ATRNL1: variants seen among roughly 807,000 people sequenced by gnomAD.
The protein encoded by ATRNL1 is attractin like 1, also known as attractin-like protein 1.
In ATRNL1, 95 loss-of-function variants were observed where a neutral mutation model predicts 182.7. The ratio of observed to expected loss-of-function variants is 0.52; its 90% CI spans 0.44 to 0.62. The LOEUF (loss-of-function observed/expected upper bound fraction) is 0.62. Among genes scored for constraint, ATRNL1 ranks in the 20% least tolerant of loss-of-function variants. The pLI is 0.00. For missense variants in ATRNL1, 1,471 were observed against 1,679.5 expected (o/e 0.88, Z 2.17); for synonymous variants, 576 against 568.3 (o/e 1.01, Z -0.19).
intron 28 of ATRNL1, among the ~76,000 whole-genome samples, chr10:115,863,373 A>T (rs1206559163): frequency 6.6e-6 from 1 of 152,182 alleles, no homozygotes; most frequent in African/African-American, 2.4e-5. Flanking sequence ...AGCAACCAAA[A>T]ATATATATAT....
chr10:115,434,331 G>C (rs1846303414), intron 21 of ATRNL1, among the ~76,000 whole-genome samples: 2 of 152,072 alleles, frequency 1.3e-5, no homozygotes, highest in Non-Finnish European at 1.5e-5. Context: ...ATACTAGACT[G>C]TTCTCAGCTT....
intron 26 of ATRNL1, among the ~76,000 whole-genome samples, chr10:115,672,054 C>G (rs1171954499): frequency 6.6e-6 from 1 of 151,974 alleles, no homozygotes; most frequent in African/African-American, 2.4e-5. Flanking sequence ...GTCACGACCT[C>G]TAAACAAGTC....
At chr10:115,124,770 C>T (rs1302796417) in intron 3 of ATRNL1, among the ~76,000 whole-genome samples, 3 of 152,086 alleles carry the variant, frequency 2.0e-5, no homozygotes, top group Non-Finnish European at 4.4e-5. Context: ...AATAGGAAGA[C>T]ACTCCCATCA....
At chr10:115,838,938 A>C (rs1299996225) in intron 27 of ATRNL1, among the ~76,000 whole-genome samples, 6 of 152,058 alleles carry the variant, frequency 3.9e-5, no homozygotes, top group Non-Finnish European at 8.8e-5. Flanking sequence ...AGTCATATTA[A>C]ACTCTTTCAT....
At chr10:115,371,882 C>A (rs1483992387) in intron 19 of ATRNL1, among the ~76,000 whole-genome samples, 2 of 152,086 alleles carry the variant, frequency 1.3e-5, no homozygotes, top group Non-Finnish European at 2.9e-5. Context: ...CCCCGTAATT[C>A]CCATGTGTTG....
intron 26 of ATRNL1, among the ~76,000 whole-genome samples, chr10:115,601,108 C>CTAAG (rs1856571607): frequency 1.3e-5 from 2 of 151,482 alleles, no homozygotes; most frequent in Non-Finnish European, 2.9e-5. Context: ...TTATATTTGC[C>CTAAG]CTTTTAATTT....
intron 21 of ATRNL1, among the ~76,000 whole-genome samples, chr10:115,431,639 A>G (rs1554964002): frequency 2.6e-5 from 4 of 152,024 alleles, no homozygotes. Flanking sequence ...TTAGCTCAAT[A>G]TCTTTCAAAA....
intron 8 of ATRNL1, among the ~76,000 whole-genome samples, chr10:115,199,429 T>A (rs1342648107): frequency 6.6e-6 from 1 of 151,948 alleles, no homozygotes; most frequent in Non-Finnish European, 1.5e-5. Flanking sequence ...GCTGGCGTAG[T>A]GGCACGTGCC....
At chr10:115,595,898 T>G (rs1856208468) in intron 26 of ATRNL1, among the ~76,000 whole-genome samples, 1 of 152,168 alleles carries the variant, frequency 6.6e-6, no homozygotes, top group African/African-American at 2.4e-5. Flanking sequence ...GCTGAGAATT[T>G]CACTAATATA....
intron 24 of ATRNL1, among the ~76,000 whole-genome samples, chr10:115,501,322 T>G (rs868935508): frequency 6.6e-6 from 1 of 152,254 alleles, no homozygotes. Flanking sequence ...CTCTTGAGGT[T>G]TCAGGATAAA....
chr10:115,704,526 A>G (rs771370924), intron 26 of ATRNL1, among the ~76,000 whole-genome samples: 4 of 151,940 alleles, frequency 2.6e-5, no homozygotes, highest in African/African-American at 4.8e-5. Context: ...AATTGTATAT[A>G]TGAGTTATAT....
At chr10:115,365,574 G>A (rs1400795657) in intron 19 of ATRNL1, among the ~76,000 whole-genome samples, 1 of 152,096 alleles carries the variant, frequency 6.6e-6, no homozygotes, top group East Asian at 1.9e-4. Flanking sequence ...TTTAGAATGT[G>A]TTTGCCCTTG....
At chr10:115,312,848 AG>A (rs1854104237) in intron 17 of ATRNL1, among the ~76,000 whole-genome samples, 1 of 152,082 alleles carries the variant, frequency 6.6e-6, no homozygotes. Flanking sequence ...ATAATTCAAA[AG>A]CTTTGTCTAT....
intron 28 of ATRNL1, among the ~76,000 whole-genome samples, chr10:115,856,157 G>A (rs550787078): frequency 1.4e-4 from 21 of 152,090 alleles, no homozygotes; most frequent in African/African-American, 5.1e-4. Flanking sequence ...GACCAGGCAC[G>A]GTAGCTCATG....
At chr10:115,561,704 G>GGGGTGTGTGTGTGTGTGTGTGT (rs1554999765) in intron 26 of ATRNL1, among the ~76,000 whole-genome samples, 3 of 144,938 alleles carry the variant, frequency 2.1e-5, no homozygotes, top group South Asian at 2.2e-4. Flanking sequence ...TGTGTGTGTG[G>GGGGTGTGTGTGTGTGTGTGTGT]GTGTGTGTGT....
At chr10:115,155,268 G>C (rs1310385307) in intron 5 of ATRNL1, among the ~76,000 whole-genome samples, 1 of 151,118 alleles carries the variant, frequency 6.6e-6, no homozygotes, top group African/African-American at 2.4e-5. Context: ...CAGTCAGTCT[G>C]TGTTTTTTAA....
chr10:115,549,414 T>TA lies in ATRNL1; in HGVS notation c.3717-44_3717-43insA. 3 of 1,464,056 alleles carry TA rather than the reference T, an allele frequency of 2.0e-6. No individual in the cohort carries two copies. The South Asian group carries it at 3.7e-5, about 18-fold the overall frequency. 90.7% of individuals were successfully genotyped at this position (1,464,056 alleles called of 1,614,324 possible). Reference sequence around the variant, plus strand: ...ATGTACTGTTTTTTCATTACATAGTTCAAATAAGTTTTGAGCAAAAATTAT... The same window carrying TA: ...ATGTACTGTTTTTTCATTACATAGTTACAAATAAGTTTTGAGCAAAAATTAT... On this transcript the variant is annotated intron_variant, in intron 25 of 28. Coordinates refer to ENST00000355044, the MANE Select transcript of ATRNL1 (RefSeq NM_207303.4).
At chr10:115,112,667 A>G (rs1320398962) in intron 1 of ATRNL1, among the ~76,000 whole-genome samples, 3 of 152,212 alleles carry the variant, frequency 2.0e-5, no homozygotes, top group African/African-American at 7.2e-5. Context: ...CCCCAAAGTA[A>G]TCAGCAGTTT....
intron 5 of ATRNL1, among the ~76,000 whole-genome samples, chr10:115,152,143 A>C (rs1167030441): frequency 6.6e-6 from 1 of 152,226 alleles, no homozygotes; most frequent in Non-Finnish European, 1.5e-5. Context: ...GAAGTCAGGT[A>C]GCATGATGCC....
Sources: gnomAD v4.1 joint callset for allele counts (sites outside exome capture counted in the v4.1 genomes callset) on GRCh38, gnomAD v4.1.1 for gene constraint, MANE v1.5 for transcripts, NCBI Gene and HGNC (gene_info 2026-07-23, HGNC 2026-07-21) for gene names.